ADAM22: variants seen among roughly 807,000 people sequenced by gnomAD.
The protein encoded by ADAM22 is disintegrin and metalloproteinase domain-containing protein 22.
In ADAM22, 65 loss-of-function variants were observed where a neutral mutation model predicts 144.6. The ratio of observed to expected loss-of-function variants is 0.45; its 90% CI spans 0.37 to 0.55. The LOEUF (loss-of-function observed/expected upper bound fraction) is 0.55. ADAM22 is among the 20% of genes least tolerant of loss of function. The pLI is 0.00. For missense variants in ADAM22, 974 were observed against 1,184.9 expected (o/e 0.82, Z 2.61); for synonymous variants, 391 against 412.6 (o/e 0.95, Z 0.63).
chr7:87,994,455 C>T (rs114570028), intron 3 of ADAM22, among the ~76,000 whole-genome samples: 5,234 of 152,196 alleles, frequency 0.034, 320 homozygotes, highest in African/African-American at 0.12. Context: ...GCCACCGCGC[C>T]CGGCCTAGTT....
chr7:88,124,730 A>G (rs1830036175), intron 7 of ADAM22, among the ~76,000 whole-genome samples: 1 of 151,962 alleles, frequency 6.6e-6, no homozygotes, highest in South Asian at 2.1e-4. Context: ...CTGAAAAATG[A>G]CATGATGGGA....
chr7:88,033,195 G>C (rs201414559), intron 3 of ADAM22, among the ~76,000 whole-genome samples: 1 of 152,232 alleles, frequency 6.6e-6, no homozygotes, highest in Admixed American at 6.5e-5. Context: ...CTTTCCAGGT[G>C]TATGAAGCTT....
intron 3 of ADAM22, among the ~76,000 whole-genome samples, chr7:88,036,322 G>C (rs1438997535): frequency 1.3e-5 from 2 of 152,070 alleles, no homozygotes; most frequent in Non-Finnish European, 2.9e-5. Context: ...ATCCTCTAGT[G>C]TGAATGTTTT....
chr7:88,070,464 C>T (rs1309812442), intron 3 of ADAM22, among the ~76,000 whole-genome samples: 1 of 152,194 alleles, frequency 6.6e-6, no homozygotes, highest in Non-Finnish European at 1.5e-5. Flanking sequence ...CTTGAGATTA[C>T]ATCTTACTGG....
intron 2 of ADAM22, among the ~76,000 whole-genome samples, chr7:87,944,824 T>TG (rs1314020710): frequency 4.4e-4 from 67 of 151,498 alleles, no homozygotes; most frequent in African/African-American, 1.6e-3. Context: ...GTGTTTTTTT[T>TG]TTTTTTGTTT....
chr7:87,974,964 T>G (rs1284339016), intron 2 of ADAM22, among the ~76,000 whole-genome samples: 2 of 152,202 alleles, frequency 1.3e-5, no homozygotes, highest in Non-Finnish European at 2.9e-5. Context: ...TTATAAGGAC[T>G]CATGTAATTA....
intron 2 of ADAM22, among the ~76,000 whole-genome samples, chr7:87,941,663 A>AG (rs1562803298): frequency 6.6e-6 from 1 of 152,174 alleles, no homozygotes; most frequent in Non-Finnish European, 1.5e-5. Context: ...ATTGTAAAAA[A>AG]AAGTAAAATT....
chr7:88,037,579 C>T (rs948227132), intron 3 of ADAM22, among the ~76,000 whole-genome samples: 1 of 151,796 alleles, frequency 6.6e-6, no homozygotes, highest in African/African-American at 2.4e-5. Flanking sequence ...TTAGGTCTGC[C>T]TTGATGTGTT....
At chr7:88,084,014 G>A (rs1044318427) in intron 4 of ADAM22, among the ~76,000 whole-genome samples, 7 of 152,088 alleles carry the variant, frequency 4.6e-5, no homozygotes, top group Admixed American at 3.9e-4. Context: ...TTTTTCTGAT[G>A]TAGAGTATCT....
At chr7:87,962,625 T>C (rs1279864009) in intron 2 of ADAM22, among the ~76,000 whole-genome samples, 2 of 152,142 alleles carry the variant, frequency 1.3e-5, no homozygotes, top group African/African-American at 4.8e-5. Context: ...GTGGACTTTT[T>C]TTTTTTTGAA....
intron 20 of ADAM22, among the ~76,000 whole-genome samples, chr7:88,152,254 ATT>A (rs1838628620): frequency 6.6e-6 from 1 of 152,178 alleles, no homozygotes; most frequent in African/African-American, 2.4e-5. Flanking sequence ...CGACATAACT[ATT>A]GTTTTTTTTA....
chr7:88,040,941 A>G (rs530623619), intron 3 of ADAM22, among the ~76,000 whole-genome samples: 12 of 152,128 alleles, frequency 7.9e-5, no homozygotes, highest in South Asian at 2.1e-4. Context: ...CTTAGCCCCA[A>G]AAGGTCACTC....
chr7:88,075,571 C>T lies in ADAM22; in HGVS notation c.324-55C>T, dbSNP rs557792505. On this transcript the variant is annotated intron_variant, in intron 3 of 31. Coordinates refer to ENST00000413139, the MANE Select transcript of ADAM22 (RefSeq NM_001324418.2). Reference sequence around the variant, plus strand: ...TATGTGTAAACTAGATCCTGATTTTCGTGTTTTACATTTTTGGGATCCTCT... The same window carrying T: ...TATGTGTAAACTAGATCCTGATTTTTGTGTTTTACATTTTTGGGATCCTCT... 81 of 1,483,942 alleles carry T rather than the reference C, an allele frequency of 5.5e-5. No homozygotes were observed. In the East Asian group the frequency reaches 1.1e-3, roughly 20 times the overall value. The allele number at this position is 1,483,942 out of a possible 1,614,324, so 91.9% of individuals were successfully genotyped here. A position where few individuals can be genotyped will look rare whatever the true frequency, so the allele number is the denominator to read the frequency against.
intron 4 of ADAM22, among the ~76,000 whole-genome samples, chr7:88,106,503 A>G (rs561429513): frequency 6.6e-6 from 1 of 152,288 alleles, no homozygotes; most frequent in South Asian, 2.1e-4. Flanking sequence ...AACACTGAAC[A>G]TTTTAAGTAG....
chr7:88,044,261 G>C (rs1323432374), intron 3 of ADAM22, among the ~76,000 whole-genome samples: 1 of 152,026 alleles, frequency 6.6e-6, no homozygotes, highest in Admixed American at 6.5e-5. Flanking sequence ...CTTCCCTTTT[G>C]GATAATAGAT....
At chr7:87,959,055 C>T (rs1375162852) in intron 2 of ADAM22, among the ~76,000 whole-genome samples, 2 of 151,428 alleles carry the variant, frequency 1.3e-5, no homozygotes, top group African/African-American at 4.9e-5. Context: ...GTGGAATTTA[C>T]TATAGTTTTA....
chr7:87,979,005 A>G (rs1377635836), intron 3 of ADAM22, among the ~76,000 whole-genome samples: 17 of 152,184 alleles, frequency 1.1e-4, no homozygotes, highest in Non-Finnish European at 2.9e-5. Context: ...GTCTAAGTGT[A>G]GTGTTTAATA....
At chr7:88,113,771 A>G (rs1316007142) in intron 5 of ADAM22, among the ~76,000 whole-genome samples, 1 of 133,240 alleles carries the variant, frequency 7.5e-6, no homozygotes, top group Non-Finnish European at 1.6e-5. Context: ...GAGCACCACA[A>G]GGACAGAGAA....
At chr7:88,062,191 G>T (rs147685878) in intron 3 of ADAM22, among the ~76,000 whole-genome samples, 1 of 140,582 alleles carries the variant, frequency 7.1e-6, no homozygotes, top group Non-Finnish European at 1.6e-5. Context: ...TCTCTGGCTA[G>T]GAAAGTCCTA....
Sources: allele counts gnomAD v4.1 joint callset (sites outside exome capture counted in the v4.1 genomes callset), GRCh38; gene constraint gnomAD v4.1.1; transcripts MANE v1.5; gene names NCBI Gene and HGNC (gene_info 2026-07-23, HGNC 2026-07-21).